Variants in TECPR2 observed in about 807,000 individuals in gnomAD.
TECPR2 encodes tectonin beta-propeller repeat-containing protein 2.
In TECPR2, 65 loss-of-function variants were observed where a neutral mutation model predicts 138.1. The ratio of observed to expected loss-of-function variants is 0.47; its 90% CI spans 0.39 to 0.58. The LOEUF is 0.58. Among genes scored for constraint, TECPR2 ranks in the 20% least tolerant of loss-of-function variants. TECPR2 has a pLI of 0.00. For synonymous variants in TECPR2, 746 were observed against 749.8 expected, an observed-to-expected ratio of 0.99 and a Z score of 0.08; for missense variants, 1,553 against 1,824.5, an observed-to-expected ratio of 0.85 and a Z score of 2.71.
chr14:102,428,031 G>A (rs571439141), intron 6 of TECPR2, among the ~76,000 whole-genome samples: 6 of 152,282 alleles, frequency 3.9e-5, no homozygotes, highest in Admixed American at 1.3e-4. Context: ...GGAGATGACC[G>A]AGGCCCCACC....
At position 102,415,155 on chromosome 14, in the gene TECPR2, G is replaced by A. The variant is rs1032024179; in HGVS notation, c.638+362G>A. ...GGGGTCAGGGTTGTGGGGCTCACTC[G>A]TTATTCAGCACGTGTTTACCATGCA... On this transcript the variant is annotated intron_variant, in intron 5 of 19. Coordinates refer to ENST00000359520, the MANE Select transcript of TECPR2 (RefSeq NM_014844.5). The surrounding 1 kb of genome is among the most constrained non-coding windows in gnomAD (Gnocchi z 4.3). Among the ~76,000 whole-genome samples the A allele has an allele frequency of 1.2e-4, 18 of 152,204 alleles. 1 individual carries two copies. The highest frequency in any genetic ancestry group is 4.1e-4 in the African/African-American group (17 of 41,458).
At chr14:102,494,696 T>C (rs1283302196) in intron 17 of TECPR2, among the ~76,000 whole-genome samples, 2 of 150,942 alleles carry the variant, frequency 1.3e-5, no homozygotes, top group Non-Finnish European at 3.0e-5. Flanking sequence ...TGGTGGTGCA[T>C]GCCTGTAATC....
intron 16 of TECPR2, among the ~76,000 whole-genome samples, chr14:102,456,237 G>GT (rs1890274454): frequency 6.6e-6 from 1 of 152,326 alleles, no homozygotes; most frequent in East Asian, 1.9e-4. Flanking sequence ...GCTTTTGCTT[G>GT]TGTTGCCCCA....
chr14:102,383,350 GTTTTC>G (rs1887890766), intron 2 of TECPR2, among the ~76,000 whole-genome samples: 1 of 151,844 alleles, frequency 6.6e-6, no homozygotes, highest in Admixed American at 6.6e-5. Context: ...TTACAACCCA[GTTTTC>G]TTTTATAAAG....
At chr14:102,461,603 G>A (rs186836655) in intron 16 of TECPR2, among the ~76,000 whole-genome samples, 3 of 152,300 alleles carry the variant, frequency 2.0e-5, no homozygotes, top group Admixed American at 6.5e-5. Flanking sequence ...GCTGTGCTTC[G>A]GTAGCAAGCC....
chr14:102,473,722 A>T (rs919510226), intron 17 of TECPR2, among the ~76,000 whole-genome samples: 1 of 152,210 alleles, frequency 6.6e-6, no homozygotes, highest in African/African-American at 2.4e-5. Context: ...AACACTTGCA[A>T]GGGTTTGGAG....
Position 102,499,393 on chromosome 14 carries a change from T to C in TECPR2, c.*1136T>C. On this transcript the variant is annotated 3_prime_UTR_variant, in exon 20 of 20. Transcript: ENST00000359520. ...ATCTTACAAATTTAGAAGAGAGATA[T>C]GTTTTCCGAAAACAGTGGAAGCCCT... 1.7e-6 allele frequency: 1 copy of C among 597,910 alleles called. No individual in the cohort carries two copies. The highest frequency in any genetic ancestry group is 2.0e-5 in the South Asian group (1 of 50,038). 37.0% of individuals were successfully genotyped at this position (597,910 alleles called of 1,614,324 possible). A position where few individuals can be genotyped will look rare whatever the true frequency, so the allele number is the denominator to read the frequency against.
chr14:102,431,024 C>CTTT (rs10713792), intron 7 of TECPR2, among the ~76,000 whole-genome samples: 11 of 122,592 alleles, frequency 9.0e-5, no homozygotes, highest in South Asian at 5.1e-4. Context: ...TATTTTTTTA[C>CTTT]TTTTTTTTTT....
chr14:102,483,322 T>A (rs934267301), intron 17 of TECPR2, among the ~76,000 whole-genome samples: 1 of 152,154 alleles, frequency 6.6e-6, no homozygotes, highest in Admixed American at 6.6e-5. Flanking sequence ...CTGGTGGGTG[T>A]CTGGGTCCTC....
At position 102,438,209 on chromosome 14, in the gene TECPR2, C is replaced by T. The variant is rs1431123306; in HGVS notation, c.2578+4C>T. The T allele has an allele frequency of 3.1e-6, 5 of 1,600,220 alleles. No homozygotes were observed. The highest frequency in any genetic ancestry group is 4.2e-6 in the Non-Finnish European group (5 of 1,177,368). Reference sequence around the variant, plus strand: ...CAGGTGGCAGTCTCGCCCTCAGGTTCGCCTCCCCGCTCCCTGCTCCCGCTC... The same window carrying T: ...CAGGTGGCAGTCTCGCCCTCAGGTTTGCCTCCCCGCTCCCTGCTCCCGCTC... On this transcript the variant is annotated splice_donor_region_variant and intron_variant, in intron 10 of 19. Coordinates refer to ENST00000359520, the MANE Select transcript of TECPR2 (RefSeq NM_014844.5).
chr14:102,483,351 C>T (rs572882200), intron 17 of TECPR2, among the ~76,000 whole-genome samples: 1 of 151,944 alleles, frequency 6.6e-6, no homozygotes, highest in Admixed American at 6.6e-5. Flanking sequence ...TCCTCTTCTG[C>T]CCCGCCTCTC....
intron 17 of TECPR2, among the ~76,000 whole-genome samples, chr14:102,469,884 T>C (rs780967057): frequency 2.6e-5 from 4 of 152,212 alleles, no homozygotes; most frequent in Non-Finnish European, 5.9e-5. Flanking sequence ...TAATATGATA[T>C]ATTATACTGA....
chr14:102,396,600 T>C (rs950878043), intron 2 of TECPR2, among the ~76,000 whole-genome samples: 1 of 152,178 alleles, frequency 6.6e-6, no homozygotes, highest in African/African-American at 2.4e-5. Flanking sequence ...TAGACATCAA[T>C]TGTACTGGCA....
chr14:102,454,179 A>G (rs8005872), intron 16 of TECPR2, among the ~76,000 whole-genome samples: 1 of 150,800 alleles, frequency 6.6e-6, no homozygotes, highest in Non-Finnish European at 1.5e-5. Flanking sequence ...AAAAGAAAGC[A>G]GGAAGAGAAG....
chr14:102,421,478 T>C (rs1456046133), intron 5 of TECPR2, among the ~76,000 whole-genome samples: 1 of 152,172 alleles, frequency 6.6e-6, no homozygotes, highest in Non-Finnish European at 1.5e-5. Flanking sequence ...CTAGTGAGAT[T>C]CTGGTGTGCG....
chr14:102,432,321 ACT>A (rs984437269), intron 8 of TECPR2, among the ~76,000 whole-genome samples, 193 bp downstream of exon 8: 2 of 151,818 alleles, frequency 1.3e-5, no homozygotes, highest in African/African-American at 2.4e-5. Flanking sequence ...ACACACACAC[ACT>A]GTAAGGTCTA....
intron 1 of TECPR2, among the ~76,000 whole-genome samples, chr14:102,369,935 A>G (rs1446227843): frequency 6.6e-6 from 1 of 152,016 alleles, no homozygotes; most frequent in Non-Finnish European, 1.5e-5. Context: ...AGCCTGGGCG[A>G]CAGAGTGAGA....
rs1413292888 is a variant in TECPR2 at position 102,443,342 on chromosome 14, G to A, written c.2753-305G>A. On this transcript the variant is annotated intron_variant, in intron 11 of 19. Coordinates refer to ENST00000359520, the MANE Select transcript of TECPR2 (RefSeq NM_014844.5). This position sits in a 1 kb window ranked among gnomAD's most constrained non-coding sequence, Gnocchi z 4.9. ...TTTAGGCAGAATTTAACCACTTTAT[G>A]TTGATTAAACTTGACAACAAAAAAG... is the stretch of plus-strand genomic sequence containing the variant. Among the ~76,000 whole-genome samples the A allele has an allele frequency of 2.0e-5, 3 of 152,010 alleles. No homozygotes were observed. The East Asian group carries it at 5.8e-4, about 29-fold the overall frequency.
At chr14:102,412,966 C>T (rs1888923250) in intron 4 of TECPR2, among the ~76,000 whole-genome samples, 1 of 152,084 alleles carries the variant, frequency 6.6e-6, no homozygotes, top group South Asian at 2.1e-4. Flanking sequence ...TATGGTGATG[C>T]ACACCTGTAA....
Sources: allele counts gnomAD v4.1 joint callset (sites outside exome capture counted in the v4.1 genomes callset), GRCh38; gene constraint gnomAD v4.1.1; non-coding constraint Gnocchi (gnomAD v3.1); transcripts MANE v1.5; gene names NCBI Gene and HGNC (gene_info 2026-07-23, HGNC 2026-07-21).